The following THSD7A variants were observed in gnomAD, a reference collection of about 807,000 sequenced individuals.
THSD7A encodes thrombospondin type 1 domain containing 7A, also known as thrombospondin type-1 domain-containing protein 7A.
A neutral mutation model predicts 231.3 loss-of-function variants in THSD7A; 96 were observed. The ratio of observed to expected loss-of-function variants is 0.41; its 90% CI spans 0.35 to 0.49. The LOEUF (loss-of-function observed/expected upper bound fraction) is 0.49. Among genes scored for constraint, THSD7A ranks in the 20% least tolerant of loss-of-function variants. The probability of loss-of-function intolerance (pLI) is 0.05; values close to 1 mark genes in which losing one functional copy is unlikely to be tolerated. For synonymous variants in THSD7A, 940 were observed against 743.3 expected, an observed-to-expected ratio of 1.26 and a Z score of -4.30; for missense variants, 2,290 against 2,070.2, an observed-to-expected ratio of 1.11 and a Z score of -2.06.
chr7:11,474,962 T>C lies in THSD7A; in HGVS notation c.2018-394A>G, dbSNP rs111754768. Among the ~76,000 whole-genome samples, 175 of 151,860 alleles carry C rather than the reference T, an allele frequency of 1.2e-3. No individual in the cohort carries two copies. Among genetic ancestry groups the C allele is most frequent in the African/African-American group, 4.0e-3 (166 of 41,400 alleles). ...GGCACTGAGAAAAATTTTGAAGGAG[T>C]AGGATTTCAATAAGCAGAATTCTGG... On this transcript the variant is annotated intron_variant, in intron 7 of 27. Coordinates refer to ENST00000423059, the MANE Select transcript of THSD7A (RefSeq NM_015204.3). The surrounding 1 kb of genome is among the most constrained non-coding windows in gnomAD (Gnocchi z 4.1).
At chr7:11,780,236 G>A (rs1783580352) in intron 1 of THSD7A, among the ~76,000 whole-genome samples, 1 of 151,730 alleles carries the variant, frequency 6.6e-6, no homozygotes, top group Non-Finnish European at 1.5e-5. Flanking sequence ...CCTCCCAATG[G>A]GCCCACCTTT....
rs1469097296 is a variant in THSD7A at position 11,444,476 on chromosome 7, G to A, written c.3064+1585C>T. ...CATAAAATGGATGAAGCTGGAAACCGTCATGCCCAGCAAACTAACACAAGA... is the reference window on the plus strand; with the variant it reads ...CATAAAATGGATGAAGCTGGAAACCATCATGCCCAGCAAACTAACACAAGA... On this transcript the variant is annotated intron_variant, in intron 13 of 27. Coordinates refer to ENST00000423059, the MANE Select transcript of THSD7A (RefSeq NM_015204.3). The surrounding 1 kb of genome is among the most constrained non-coding windows in gnomAD (Gnocchi z 4.2). Among the ~76,000 whole-genome samples the A allele has an allele frequency of 3.3e-5, 5 of 151,748 alleles. No individual in the cohort carries two copies. The highest frequency in any genetic ancestry group is 5.9e-5 in the Non-Finnish European group (4 of 67,898).
chr7:11,623,984 C>T (rs1262416383), intron 2 of THSD7A, among the ~76,000 whole-genome samples: 15 of 152,150 alleles, frequency 9.9e-5, no homozygotes, highest in Admixed American at 9.8e-4. Flanking sequence ...AACTTCTTTT[C>T]CTTCTGTTTC....
intron 13 of THSD7A, among the ~76,000 whole-genome samples, chr7:11,433,922 T>C (rs1236151019): frequency 6.6e-6 from 1 of 152,016 alleles, no homozygotes; most frequent in Non-Finnish European, 1.5e-5. Context: ...ATTAAACTGT[T>C]AAAAGATAGA....
At chr7:11,464,406 G>A (rs1785621518) in intron 9 of THSD7A, among the ~76,000 whole-genome samples, 1 of 152,060 alleles carries the variant, frequency 6.6e-6, no homozygotes, top group Non-Finnish European at 1.5e-5. Flanking sequence ...AGCATTAGTG[G>A]CACCTCATAG....
chr7:11,527,818 A>G (rs922162251), intron 6 of THSD7A, among the ~76,000 whole-genome samples: 1 of 152,094 alleles, frequency 6.6e-6, no homozygotes, highest in Non-Finnish European at 1.5e-5. Context: ...AAAACAATGA[A>G]GAGACTTTAC....
intron 2 of THSD7A, among the ~76,000 whole-genome samples, chr7:11,620,299 A>G (rs1259097131): frequency 6.6e-6 from 1 of 152,200 alleles, no homozygotes; most frequent in Non-Finnish European, 1.5e-5. Flanking sequence ...GAAAAATTTC[A>G]CAAACACTTT....
intron 1 of THSD7A, among the ~76,000 whole-genome samples, chr7:11,772,431 A>G (rs1583277871): frequency 6.6e-6 from 1 of 152,168 alleles, no homozygotes; most frequent in East Asian, 1.9e-4. Context: ...CCATATGTTC[A>G]TCACAGCACT....
At chr7:11,707,727 C>G (rs2128147401) in intron 1 of THSD7A, among the ~76,000 whole-genome samples, 1 of 150,958 alleles carries the variant, frequency 6.6e-6, no homozygotes, top group East Asian at 2.0e-4. Context: ...CAGCAGTGTG[C>G]AGTACACTCT....
At chr7:11,618,632 T>C (rs1290199359) in intron 2 of THSD7A, among the ~76,000 whole-genome samples, 1 of 152,006 alleles carries the variant, frequency 6.6e-6, no homozygotes, top group Non-Finnish European at 1.5e-5. Context: ...ACCCCGTCTC[T>C]ACTAAAAATA....
chr7:11,591,446 T>C (rs1217104911), intron 3 of THSD7A, among the ~76,000 whole-genome samples: 1 of 152,140 alleles, frequency 6.6e-6, no homozygotes, highest in Non-Finnish European at 1.5e-5. Flanking sequence ...ACATGACTCA[T>C]GTAGCACTTT....
At chr7:11,650,749 A>G (rs1279824500) in intron 1 of THSD7A, among the ~76,000 whole-genome samples, 2 of 152,084 alleles carry the variant, frequency 1.3e-5, no homozygotes, top group Non-Finnish European at 2.9e-5. Flanking sequence ...GGTGGAGCCA[A>G]GAGGATGCAA....
At chr7:11,778,583 T>C (rs1214886124) in intron 1 of THSD7A, among the ~76,000 whole-genome samples, 1 of 152,162 alleles carries the variant, frequency 6.6e-6, no homozygotes, top group Non-Finnish European at 1.5e-5. Context: ...TTTTAGAAAT[T>C]CGTCAGCTTA....
chr7:11,755,915 G>GA (rs1211560030), intron 1 of THSD7A, among the ~76,000 whole-genome samples: 2 of 151,984 alleles, frequency 1.3e-5, no homozygotes, highest in African/African-American at 4.8e-5. Context: ...GAAAGGCAAG[G>GA]AAAAATACGC....
chr7:11,631,498 A>T (rs1781652590), intron 2 of THSD7A, among the ~76,000 whole-genome samples: 1 of 152,216 alleles, frequency 6.6e-6, no homozygotes, highest in South Asian at 2.1e-4. Flanking sequence ...GCAATTCTGG[A>T]ATTTGGCAAC....
rs758256284 is a variant in THSD7A, at chr7:11,634,368, G to C, written c.1022+1762C>G. Among the ~76,000 whole-genome samples the C allele has an allele frequency of 2.6e-5, 4 of 152,110 alleles. No homozygotes were observed. Among genetic ancestry groups the C allele is most frequent in the Non-Finnish European group, 5.9e-5 (4 of 68,016 alleles). ...CTAACCTAATTACACTTTTAATTGA[G>C]TAGTCAACGTTAAATTAAATGTCTA... On this transcript the variant is annotated intron_variant, in intron 2 of 27. Coordinates refer to ENST00000423059, the MANE Select transcript of THSD7A (RefSeq NM_015204.3). The surrounding 1 kb of genome is among the most constrained non-coding windows in gnomAD (Gnocchi z 4.1).
chr7:11,524,895 C>G (rs1182607956), intron 6 of THSD7A, among the ~76,000 whole-genome samples: 2 of 152,136 alleles, frequency 1.3e-5, no homozygotes, highest in Non-Finnish European at 2.9e-5. Flanking sequence ...GCTTTTTGTT[C>G]TTTTTCCTGA....
At position 11,590,807 on chromosome 7, in the gene THSD7A, T is replaced by G. The variant is rs1257778752; in HGVS notation, c.1272-166A>C. Among the ~76,000 whole-genome samples the G allele has an allele frequency of 6.6e-6, 1 of 152,224 alleles. No individual in the cohort carries two copies. The highest frequency in any genetic ancestry group is 1.5e-5 in the Non-Finnish European group (1 of 68,034). Reference sequence around the variant, plus strand: ...ATATTTGGTTTCAACTCCTTTATGCTCTGCAGTGCTCCATTTAACGAGGGG... The same window carrying G: ...ATATTTGGTTTCAACTCCTTTATGCGCTGCAGTGCTCCATTTAACGAGGGG... On this transcript the variant is annotated intron_variant, in intron 3 of 27. Coordinates refer to ENST00000423059, the MANE Select transcript of THSD7A (RefSeq NM_015204.3). This position sits in a 1 kb window ranked among gnomAD's most constrained non-coding sequence, Gnocchi z 4.4.
At chr7:11,782,420 CAT>C (rs1783662156) in intron 1 of THSD7A, among the ~76,000 whole-genome samples, 1 of 152,128 alleles carries the variant, frequency 6.6e-6, no homozygotes, top group Non-Finnish European at 1.5e-5. Context: ...CACATACACA[CAT>C]GACACACACA....
Sources: gnomAD v4.1 joint callset for allele counts (sites outside exome capture counted in the v4.1 genomes callset) on GRCh38, gnomAD v4.1.1 for gene constraint, Gnocchi (gnomAD v3.1) non-coding constraint, MANE v1.5 for transcripts, NCBI Gene and HGNC (gene_info 2026-07-23, HGNC 2026-07-21) for gene names.